VBP1: variants seen among roughly 807,000 people sequenced by gnomAD.
VBP1 encodes the protein prefoldin subunit 3.
A neutral mutation model predicts 15.5 loss-of-function variants in VBP1; 4 were observed. The ratio of observed to expected loss-of-function variants is 0.26; its 90% CI spans 0.13 to 0.59. VBP1 has a LOEUF of 0.59. Ranked by LOEUF, VBP1 falls within the 20% of genes least tolerant of loss-of-function variation. The probability of loss-of-function intolerance (pLI) is 0.90; values close to 1 mark genes in which losing one functional copy is unlikely to be tolerated. For missense variants in VBP1, 108 were observed against 139.6 expected, an observed-to-expected ratio of 0.77 and a Z score of 1.14; for synonymous variants, 61 against 52.1, an observed-to-expected ratio of 1.17 and a Z score of -0.74.
intron 4 of VBP1, 42 bp from the exon 5 acceptor site, chrX:155,236,187 C>T (rs372123806): frequency 3.4e-6 from 4 of 1,180,338 alleles, no homozygotes; most frequent in Middle Eastern, 2.6e-4. Context: ...CTATAAAGCT[C>T]TGTGTAAATA....
chrX:155,206,170 T>C (rs782154599), intron 1 of VBP1, among the ~76,000 whole-genome samples: 9 of 110,759 alleles, frequency 8.1e-5, no homozygotes. Flanking sequence ...AGTATTGGAG[T>C]AGGTTTCCAT....
chrX:155,208,844 T>A, intron 1 of VBP1: 2 of 1,015,805 alleles, frequency 2.0e-6, no homozygotes, highest in Non-Finnish European at 2.7e-6. Flanking sequence ...AATTAATTTT[T>A]AACTGATTGT....
intron 4 of VBP1, among the ~76,000 whole-genome samples, chrX:155,228,871 T>TTA (rs2074732424): frequency 8.9e-6 from 1 of 112,684 alleles, no homozygotes; most frequent in East Asian, 2.8e-4. Context: ...AAGAGTTTAA[T>TTA]AATTCTAGAA....
chrX:155,198,763 G>A (rs1272694974), intron 1 of VBP1, among the ~76,000 whole-genome samples: 2 of 112,310 alleles, frequency 1.8e-5, no homozygotes, highest in Non-Finnish European at 3.8e-5. Context: ...GACAGAGAAT[G>A]ACTTTGACGA....
chrX:155,225,347 C>T (rs781861822), intron 2 of VBP1, among the ~76,000 whole-genome samples: 29 of 111,810 alleles, frequency 2.6e-4, no homozygotes, highest in African/African-American at 8.8e-4. Context: ...GCATGCACCA[C>T]CACGCCCAGC....
rs782318590 is a variant in VBP1, at chrX:155,225,298, A to T, written c.219-1937A>T. Among the ~76,000 whole-genome samples the T allele has an allele frequency of 1.1e-3, 118 of 111,177 alleles. 3 individuals carry two copies. In the South Asian group the frequency reaches 0.043, roughly 40 times the overall value. On this transcript the variant is annotated intron_variant, in intron 2 of 5. Transcript: ENST00000286428. Reference sequence around the variant, plus strand: ...AACCTCCACCTCCTGGATTCAAGGGATCCTCCCGCCTCAACTTCCCAAGTA... The same window carrying T: ...AACCTCCACCTCCTGGATTCAAGGGTTCCTCCCGCCTCAACTTCCCAAGTA...
intron 4 of VBP1, among the ~76,000 whole-genome samples, chrX:155,234,410 G>A (rs1395593199): frequency 1.8e-5 from 2 of 110,606 alleles, no homozygotes; most frequent in Admixed American, 9.6e-5. Flanking sequence ...GTGAGCCACC[G>A]CGCCTGGCCC....
In VBP1 at chrX:155,216,637, G is replaced by A. The variant is rs1602878092; in HGVS notation, c.93+62G>A. On this transcript the variant is annotated intron_variant, in intron 1 of 5. Coordinates refer to ENST00000286428, the MANE Select transcript of VBP1 (RefSeq NM_003372.7). ...GGCCTTGGACTGCCCCTTTCTTCCC[G>A]GCTCCCACCCAGGCCTCGACTGTTG... is the stretch of plus-strand genomic sequence containing the variant. 3.5e-6 allele frequency: 4 copies of A among 1,156,929 alleles called. No homozygotes were observed. In the South Asian group the frequency reaches 7.8e-5, roughly 22 times the overall value.
intron 4 of VBP1, 121 bp from the exon 5 acceptor site, chrX:155,236,108 A>G: frequency 2.5e-6 from 2 of 798,086 alleles, no homozygotes; most frequent in Non-Finnish European, 3.5e-6. Context: ...AGTGAAACTT[A>G]ACTTACAACA....
intron 1 of VBP1, among the ~76,000 whole-genome samples, chrX:155,203,635 C>G (rs1557307802): frequency 9.6e-6 from 1 of 104,002 alleles, no homozygotes; most frequent in African/African-American, 3.5e-5. Context: ...GGGAGGGATA[C>G]CATTAGGAGA....
intron 1 of VBP1, among the ~76,000 whole-genome samples, chrX:155,218,610 C>T (rs782590001): frequency 9.0e-6 from 1 of 111,311 alleles, no homozygotes; most frequent in Non-Finnish European, 1.9e-5. Context: ...CATCTTTCCA[C>T]ATCTAGTTCA....
At chrX:155,200,787 C>CA (rs1204055062) in intron 1 of VBP1, among the ~76,000 whole-genome samples, 1 of 109,473 alleles carries the variant, frequency 9.1e-6, no homozygotes, top group Non-Finnish European at 1.9e-5. Context: ...AATAGAGACA[C>CA]AAAAAACCCT....
upstream of VBP1, among the ~76,000 whole-genome samples, chrX:155,212,132 A>C (rs1307852300): frequency 8.9e-6 from 1 of 112,136 alleles, no homozygotes; most frequent in Non-Finnish European, 1.9e-5. Context: ...CTTGACTGCA[A>C]AGTGCATGCT....
In VBP1 at chrX:155,227,285, A is replaced by G; in HGVS notation, c.269A>G (p.Tyr90Cys). The change falls in exon 3 of 6, where the codon TAC becomes TGC. Residue 90 changes from tyrosine (Y) to cysteine (C), a missense_variant. Coordinates refer to ENST00000286428, the MANE Select transcript of VBP1 (RefSeq NM_003372.7). ...AAACAGACTTTGGAAATTCTAAAATACATGCAGAAGAAAAAAGTAAGTGCA... is the reference window on the plus strand; with the variant it reads ...AAACAGACTTTGGAAATTCTAAAATGCATGCAGAAGAAAAAAGTAAGTGCA... ...EIKQTLEILK[Y>C]MQKKKESTNS... The G allele has an allele frequency of 8.5e-7, 1 of 1,172,866 alleles. No individual in the cohort carries two copies. Among genetic ancestry groups the G allele is most frequent in the Non-Finnish European group, 1.1e-6 (1 of 879,791 alleles).
intron 2 of VBP1, among the ~76,000 whole-genome samples, chrX:155,223,945 G>C (rs1348326998): frequency 9.5e-6 from 1 of 105,534 alleles, no homozygotes; most frequent in Non-Finnish European, 2.0e-5. Context: ...GGTCAGAGAC[G>C]CTCCTCACCT....
chrX:155,220,412 A>G, intron 2 of VBP1, 105 bp downstream of exon 2: 1 of 719,051 alleles, frequency 1.4e-6, no homozygotes. Flanking sequence ...TCAAGTGTTC[A>G]GTCCTCCAAG....
chrX:155,202,111 G>A (rs1557307558), intron 1 of VBP1, among the ~76,000 whole-genome samples: 1 of 111,483 alleles, frequency 9.0e-6, no homozygotes, highest in African/African-American at 3.3e-5. Context: ...AAATAAAAGA[G>A]GATACAAAGA....
chrX:155,197,469 C>A (rs2074582559), intron 1 of VBP1, among the ~76,000 whole-genome samples: 1 of 112,179 alleles, frequency 8.9e-6, no homozygotes, highest in African/African-American at 3.2e-5. Flanking sequence ...TGTTCTGTAT[C>A]TTTTAATATT....
At chrX:155,227,429 A>G in intron 3 of VBP1, 128 bp downstream of exon 3, 1 of 414,114 alleles carries the variant, frequency 2.4e-6, no homozygotes, top group Non-Finnish European at 4.0e-6. Context: ...TTAAGCACAT[A>G]CACTAATGTT....
Sources: allele counts gnomAD v4.1 joint callset (sites outside exome capture counted in the v4.1 genomes callset), GRCh38; gene constraint gnomAD v4.1.1; transcripts MANE v1.5; gene names NCBI Gene and HGNC (gene_info 2026-07-23, HGNC 2026-07-21).